Variants in OR3A2 observed in about 807,000 individuals in gnomAD.
OR3A2 encodes the protein olfactory receptor family 3 subfamily A member 2.
For missense variants in OR3A2, 318 were observed against 392.8 expected (o/e 0.81, Z 1.61); for synonymous variants, 126 against 159.3 (o/e 0.79, Z 1.57).
chr17:3,348,286 T>C (rs2049387068), intron 2 of OR3A2, among the ~76,000 whole-genome samples: 1 of 152,188 alleles, frequency 6.6e-6, no homozygotes, highest in African/African-American at 2.4e-5. Flanking sequence ...TTTGTTGCCA[T>C]TGCTTTTGGT....
chr17:3,321,818 C>G (rs2049125155), intron 3 of OR3A2, among the ~76,000 whole-genome samples: 1 of 152,110 alleles, frequency 6.6e-6, no homozygotes, highest in South Asian at 2.1e-4. Context: ...CAATGTTCAT[C>G]AAGGATATTG....
At chr17:3,281,594 A>C (rs186964642) in intron 1 of OR3A2, among the ~76,000 whole-genome samples, 2 of 152,266 alleles carry the variant, frequency 1.3e-5, no homozygotes, top group Admixed American at 1.3e-4. Flanking sequence ...AACTGAGCAG[A>C]TACTTCCAAC....
chr17:3,321,625 C>T (rs2049122982), intron 3 of OR3A2, among the ~76,000 whole-genome samples: 2 of 152,190 alleles, frequency 1.3e-5, no homozygotes, highest in South Asian at 4.1e-4. Flanking sequence ...TTTTCTGCAT[C>T]TATTGAGATA....
chr17:3,326,790 G>A (rs1162221002), intron 3 of OR3A2, among the ~76,000 whole-genome samples: 1 of 141,236 alleles, frequency 7.1e-6, no homozygotes, highest in Admixed American at 7.4e-5. Context: ...ACCTATGAGT[G>A]AGAATATGCA....
At chr17:3,363,992 C>T (rs1169166715) in intron 2 of OR3A2, among the ~76,000 whole-genome samples, 1 of 152,192 alleles carries the variant, frequency 6.6e-6, no homozygotes, top group Non-Finnish European at 1.5e-5. Context: ...AATCACCTCC[C>T]ACCAGGCCTC....
chr17:3,353,847 T>C (rs953798043), intron 2 of OR3A2, among the ~76,000 whole-genome samples: 5 of 151,276 alleles, frequency 3.3e-5, no homozygotes, highest in Non-Finnish European at 7.4e-5. Flanking sequence ...TTTTAAAATA[T>C]ACCATTAAGT....
chr17:3,385,961 T>G (rs938454745), intron 1 of OR3A2, 164 bp downstream of exon 1: 3 of 397,118 alleles, frequency 7.6e-6, no homozygotes, highest in African/African-American at 6.2e-5. Flanking sequence ...TCTGCCCCCG[T>G]GTTCCTCCTC....
chr17:3,371,900 A>C (rs2049629938), intron 2 of OR3A2, among the ~76,000 whole-genome samples: 2 of 131,800 alleles, frequency 1.5e-5, no homozygotes, highest in African/African-American at 2.9e-5. Context: ...TCCCTCCCGG[A>C]CGGGGCGGCT....
chr17:3,344,089 G>T (rs1375740140), intron 2 of OR3A2, among the ~76,000 whole-genome samples: 2 of 152,120 alleles, frequency 1.3e-5, no homozygotes, highest in African/African-American at 4.8e-5. Context: ...GTGCTGTAGT[G>T]CCACATCAGT....
At chr17:3,348,002 T>C (rs1423304415) in intron 2 of OR3A2, among the ~76,000 whole-genome samples, 1 of 152,210 alleles carries the variant, frequency 6.6e-6, no homozygotes, top group Non-Finnish European at 1.5e-5. Flanking sequence ...CCAGTGATGG[T>C]GAGCATTTTT....
intron 3 of OR3A2, among the ~76,000 whole-genome samples, chr17:3,316,234 T>C (rs553520968): frequency 6.6e-6 from 1 of 152,358 alleles, no homozygotes; most frequent in South Asian, 2.1e-4. Flanking sequence ...AAGAAACTTC[T>C]AGCAAAATTT....
At chr17:3,365,111 A>C (rs2049551682) in intron 2 of OR3A2, among the ~76,000 whole-genome samples, 1 of 152,188 alleles carries the variant, frequency 6.6e-6, no homozygotes, top group African/African-American at 2.4e-5. Flanking sequence ...AAATGGTGTC[A>C]CTACAGTTCA....
At position 3,311,979 on chromosome 17, in the gene OR3A2, C is replaced by CT. The variant is rs139053241; in HGVS notation, c.-85+24053_-85+24054insA. On this transcript the variant is annotated intron_variant, in intron 3 of 4. Transcript: ENST00000573491. This position sits in a 1 kb window ranked among gnomAD's most constrained non-coding sequence, Gnocchi z 4.6. ...CAACCTCCCTCCTCGAGCAACCCCC[C>CT]GACTTTCTTATGCTGAAGGACTAGG... is the stretch of plus-strand genomic sequence containing the variant. 0.017 allele frequency: 2,630 copies of CT among 154,700 alleles called. 81 individuals carry two copies. The highest frequency in any genetic ancestry group is 0.059 in the African/African-American group (2,441 of 41,514). 9.6% of individuals were successfully genotyped at this position (154,700 alleles called of 1,614,324 possible). A position where few individuals can be genotyped will look rare whatever the true frequency, so the allele number is the denominator to read the frequency against.
At chr17:3,299,288 A>G (rs373932529) in intron 3 of OR3A2, among the ~76,000 whole-genome samples, 2 of 152,326 alleles carry the variant, frequency 1.3e-5, no homozygotes, top group African/African-American at 4.8e-5. Flanking sequence ...AGGAGGCACA[A>G]GAATGGAGAC....
At chr17:3,324,515 G>A (rs2049153770) in intron 3 of OR3A2, among the ~76,000 whole-genome samples, 1 of 151,976 alleles carries the variant, frequency 6.6e-6, no homozygotes, top group African/African-American at 2.4e-5. Flanking sequence ...CTTTGATGAT[G>A]GTGACATACA....
intron 3 of OR3A2, among the ~76,000 whole-genome samples, chr17:3,331,089 G>T (rs575245225): frequency 1.3e-5 from 2 of 152,176 alleles, no homozygotes; most frequent in Non-Finnish European, 2.9e-5. Flanking sequence ...TCAGCTGTTA[G>T]TCTGATGGGC....
chr17:3,294,376 T>C (rs191733862), intron 3 of OR3A2, among the ~76,000 whole-genome samples: 214 of 151,774 alleles, frequency 1.4e-3, no homozygotes, highest in African/African-American at 4.7e-3. Flanking sequence ...ATTAGACAGA[T>C]GCAGGAACAG....
At chr17:3,383,127 A>C (rs1371296563) in intron 2 of OR3A2, among the ~76,000 whole-genome samples, 1 of 152,228 alleles carries the variant, frequency 6.6e-6, no homozygotes, top group Non-Finnish European at 1.5e-5. Flanking sequence ...TGAAGAAAAG[A>C]ATAGTGGAAT....
At chr17:3,319,397 TTAAG>T (rs1405848697) in intron 3 of OR3A2, among the ~76,000 whole-genome samples, 3 of 152,146 alleles carry the variant, frequency 2.0e-5, no homozygotes, top group Non-Finnish European at 4.4e-5. Flanking sequence ...TTATTATACT[TTAAG>T]TTTTAGGGTA....
Sources: gnomAD v4.1 joint callset for allele counts (sites outside exome capture counted in the v4.1 genomes callset) on GRCh38, gnomAD v4.1.1 for gene constraint, Gnocchi (gnomAD v3.1) non-coding constraint, MANE v1.5 for transcripts, NCBI Gene and HGNC (gene_info 2026-07-23, HGNC 2026-07-21) for gene names.